TRPM5: variants seen among roughly 807,000 people sequenced by gnomAD.
The protein encoded by TRPM5 is transient receptor potential cation channel subfamily M member 5.
In TRPM5, 121 loss-of-function variants were observed where a neutral mutation model predicts 124.9. The observed-to-expected ratio is 0.97, with a 90% CI of 0.84 to 1.13. The LOEUF (loss-of-function observed/expected upper bound fraction) is 1.13, where lower values mean the gene tolerates loss of function less well. TRPM5 is among the 50% of genes most tolerant of loss of function. The pLI is 0.00. For synonymous variants in TRPM5, 781 were observed against 700.5 expected, an observed-to-expected ratio of 1.11 and a Z score of -1.81; for missense variants, 1,643 against 1,589.1, an observed-to-expected ratio of 1.03 and a Z score of -0.58.
the TRPM5 span, among the ~76,000 whole-genome samples, chr11:2,432,870 G>T: frequency 6.6e-6 from 1 of 152,096 alleles, no homozygotes; most frequent in Non-Finnish European, 1.5e-5. Flanking sequence ...TGGTGGGGGC[G>T]TCAGGTCTGA....
chr11:2,415,062 C>T lies in TRPM5; in HGVS notation c.1480-15G>A, dbSNP rs747485582. On this transcript the variant is annotated splice_polypyrimidine_tract_variant and intron_variant, in intron 9 of 23. Transcript: ENST00000155858. ...GGGCCCTTCTCCTGGAGGACACGGGCGTCGGCCTCCTGCTGCGGCCCCAGC... is the reference window on the plus strand; with the variant it reads ...GGGCCCTTCTCCTGGAGGACACGGGTGTCGGCCTCCTGCTGCGGCCCCAGC... 163 of 1,594,872 alleles carry T rather than the reference C, an allele frequency of 1.0e-4. No homozygotes were observed. Among genetic ancestry groups the T allele is most frequent in the Non-Finnish European group, 1.3e-4 (149 of 1,176,402 alleles).
At chr11:2,435,387 C>T in the TRPM5 span, among the ~76,000 whole-genome samples, 1 of 152,030 alleles carries the variant, frequency 6.6e-6, no homozygotes, top group African/African-American at 2.4e-5. This position sits in a 1 kb window ranked among gnomAD's most constrained non-coding sequence, Gnocchi z 4.1. Context: ...CTCATGCACA[C>T]ATCCACCAGC....
Position 2,405,140 on chromosome 11 carries a change from G to A in TRPM5, c.3392-97C>T, listed in dbSNP as rs1299873216. ...GCTCAGAGGCAAGGGCCAGGACGCC[G>A]TGGCTCTCAGAGTGAGTCCCCACAG... is the stretch of plus-strand genomic sequence containing the variant. On this transcript the variant is annotated intron_variant, in intron 23 of 23. Coordinates refer to ENST00000155858, the Ensembl canonical transcript of TRPM5. 10 of 1,028,110 alleles carry A rather than the reference G, an allele frequency of 9.7e-6. No individual in the cohort carries two copies. In the East Asian group the frequency reaches 1.0e-4, roughly 11 times the overall value. The allele number at this position is 1,028,110 out of a possible 1,614,324, so 63.7% of individuals were successfully genotyped here.
exon 14 of TRPM5, chr11:2,413,213 G>C (rs548086194): frequency 6.5e-7 from 1 of 1,548,942 alleles, no homozygotes; most frequent in East Asian, 2.4e-5. Flanking sequence ...CCTGTCCTCA[G>C]GGGAGCTTCC....
intron 7 of TRPM5, among the ~76,000 whole-genome samples, chr11:2,417,475 A>C (rs1175472391): frequency 6.6e-6 from 1 of 152,196 alleles, no homozygotes; most frequent in Non-Finnish European, 1.5e-5. Flanking sequence ...AAACCAAAAC[A>C]AACAAAAAAC....
chr11:2,444,410 G>T, the TRPM5 span, among the ~76,000 whole-genome samples: 14 of 151,820 alleles, frequency 9.2e-5, no homozygotes, highest in African/African-American at 3.4e-4. Context: ...GTTCTCGGTC[G>T]TGGTATCGGC....
At chr11:2,410,741 GGGACACCCATAGGCATGGGCA>G in intron 18 of TRPM5, 1 of 453,476 alleles carries the variant, frequency 2.2e-6, no homozygotes, top group Non-Finnish European at 4.4e-6. Context: ...GGTCGGCCTG[GGGACACCCATAGGCATGGGCA>G]GGCCACACAC....
chr11:2,409,238 T>G (rs1377989430), intron 18 of TRPM5, among the ~76,000 whole-genome samples: 1 of 152,120 alleles, frequency 6.6e-6, no homozygotes, highest in Non-Finnish European at 1.5e-5. Flanking sequence ...CTGTCCGCCC[T>G]GGCCACCTCC....
chr11:2,412,744 G>T lies in TRPM5; in HGVS notation c.2355+10C>A. 1 of 1,581,944 alleles carries T rather than the reference G, an allele frequency of 6.3e-7. No individual in the cohort carries two copies. On this transcript the variant is annotated intron_variant, in intron 15 of 23. Transcript: ENST00000155858. ...GAGTGGAGGGGACCTAGGCTAGTGT[G>T]GCCACCGACCTGCCGGATTTCCTCC... is the stretch of plus-strand genomic sequence containing the variant.
chr11:2,416,053 A>G lies in TRPM5; in HGVS notation c.1010-29T>C, dbSNP rs772523161. ...TGGGCAGAGCAGGCAGGCACTGGTG[A>G]GGGTGGAGCTGAGGGCCTCACAGAG... On this transcript the variant is annotated intron_variant, in intron 7 of 23. Coordinates refer to ENST00000155858, the Ensembl canonical transcript of TRPM5. 16 of 1,552,962 alleles carry G rather than the reference A, an allele frequency of 1.0e-5. No homozygotes were observed. The South Asian group carries it at 1.2e-4, about 11-fold the overall frequency.
rs760982280 is a variant in TRPM5, at chr11:2,412,894, C to T, written c.2215G>A (p.Val739Met). 5.0e-6 allele frequency: 8 copies of T among 1,597,314 alleles called. No homozygotes were observed. Among genetic ancestry groups the T allele is most frequent in the East Asian group, 4.5e-5 (2 of 44,440 alleles). ...AAGAGGAAGGCGAAGTACATGACCA[C>T]GTTCCCCAGGAACACAGTCACGGGA... is the stretch of plus-strand genomic sequence containing the variant. Residue 739 changes from valine to methionine, a missense_variant, in exon 15 of 24, where the codon GTG becomes ATG. Physicochemically the swap from Val to Met is conservative, Grantham distance 21 (BLOSUM62 1). Transcript: ENST00000155858.
At chr11:2,415,972 C>A in exon 8 of TRPM5, 1 of 1,583,570 alleles carries the variant, frequency 6.3e-7, no homozygotes, top group South Asian at 1.2e-5. Context: ...AGGCCACGGC[C>A]AGCTTGAGCT....
chr11:2,405,417 C>G, intron 23 of TRPM5, 110 bp downstream of exon 28: 2 of 1,195,820 alleles, frequency 1.7e-6, no homozygotes, highest in South Asian at 1.4e-5. Context: ...TCCTGAGACT[C>G]CCGGGCCAGG....
chr11:2,435,672 C>T, the TRPM5 span, among the ~76,000 whole-genome samples: 13 of 151,740 alleles, frequency 8.6e-5, no homozygotes, highest in African/African-American at 3.2e-4. This position sits in a 1 kb window ranked among gnomAD's most constrained non-coding sequence, Gnocchi z 4.1. Context: ...TCCATCTGTC[C>T]ATGTGCATCT....
At chr11:2,435,539 C>G in the TRPM5 span, among the ~76,000 whole-genome samples, 1 of 152,096 alleles carries the variant, frequency 6.6e-6, no homozygotes, top group African/African-American at 2.4e-5. This position sits in a 1 kb window ranked among gnomAD's most constrained non-coding sequence, Gnocchi z 4.1. Flanking sequence ...ATCCATCCAC[C>G]CGTCTGTCTG....
chr11:2,414,012 C>CCCCCCCCCCCCCCCCCCCCA, intron 12 of TRPM5, 49 bp downstream of exon 17: 1 of 498,164 alleles, frequency 2.0e-6, no homozygotes, highest in Non-Finnish European at 3.9e-6. Flanking sequence ...CCAGCTCGCC[C>CCCCCCCCCCCCCCCCCCCCA]GCCCACCCCA....
At chr11:2,415,414 C>A in exon 9 of TRPM5, 1 of 1,593,554 alleles carries the variant, frequency 6.3e-7, no homozygotes, top group Non-Finnish European at 8.5e-7. Context: ...AAGAGGCGCA[C>A]AAACTCGGGC....
intron 10 of TRPM5, 28 bp from the exon 16 acceptor site, chr11:2,414,866 C>T: frequency 6.3e-7 from 1 of 1,591,152 alleles, no homozygotes. Flanking sequence ...AGGAGGCCGC[C>T]CCTCCCCTGC....
exon 3 of TRPM5, chr11:2,421,094 C>A (rs1353257964): frequency 6.5e-7 from 1 of 1,549,616 alleles, no homozygotes; most frequent in Admixed American, 1.9e-5. Flanking sequence ...CCGACAGCAA[C>A]CACACGGACC....
Sources: gnomAD v4.1 joint callset for allele counts (sites outside exome capture counted in the v4.1 genomes callset) on GRCh38, gnomAD v4.1.1 for gene constraint, Gnocchi (gnomAD v3.1) non-coding constraint, MANE v1.5 for transcripts, NCBI Gene and HGNC (gene_info 2026-07-23, HGNC 2026-07-21) for gene names.